NPSR1: variants seen among roughly 807,000 people sequenced by gnomAD.
NPSR1 encodes neuropeptide S receptor 1, also known as neuropeptide S receptor.
In NPSR1, 48 loss-of-function variants were observed where a neutral mutation model predicts 46.9. That is an observed-to-expected ratio of 1.02 (90% confidence interval 0.81 to 1.30). The LOEUF is 1.30. Among genes scored for constraint, NPSR1 ranks in the 50% most tolerant of loss-of-function variants. The pLI, the probability that NPSR1 is intolerant of heterozygous loss-of-function variation, is 0.00. For synonymous variants in NPSR1, 176 were observed against 168.1 expected, an observed-to-expected ratio of 1.05 and a Z score of -0.36; for missense variants, 450 against 449.5, an observed-to-expected ratio of 1.00 and a Z score of -0.01.
chr7:34,711,801 T>C (rs910450036), intron 2 of NPSR1, among the ~76,000 whole-genome samples: 1 of 152,106 alleles, frequency 6.6e-6, no homozygotes, highest in South Asian at 2.1e-4. Context: ...CCTAGGGGAG[T>C]GTTCCTCCCA....
intron 8 of NPSR1, among the ~76,000 whole-genome samples, chr7:34,864,448 A>G (rs796907707): frequency 3.3e-5 from 5 of 151,776 alleles, no homozygotes; most frequent in African/African-American, 1.2e-4. Context: ...TTGAATATAA[A>G]CTCCTTCTCA....
chr7:34,806,574 A>G (rs1788708681), intron 3 of NPSR1, among the ~76,000 whole-genome samples: 2 of 152,110 alleles, frequency 1.3e-5, no homozygotes, highest in Non-Finnish European at 2.9e-5. Flanking sequence ...TGATATTATA[A>G]TGGTGGGTAC....
chr7:34,728,183 C>T (rs1784255076), intron 2 of NPSR1, among the ~76,000 whole-genome samples: 1 of 151,874 alleles, frequency 6.6e-6, no homozygotes. Flanking sequence ...CCCATTAACT[C>T]GTCATTTAGA....
Position 34,684,552 on chromosome 7 carries a change from A to G in NPSR1, c.148A>G (p.Thr50Ala). The G allele has an allele frequency of 6.2e-7, 1 of 1,612,954 alleles. No individual in the cohort carries two copies. The highest frequency in any genetic ancestry group is 8.5e-7 in the Non-Finnish European group (1 of 1,179,612). The change falls in exon 2 of 9, where the codon ACT (threonine) becomes GCT (alanine). Residue 50 changes from threonine to alanine, a missense_variant and splice_region_variant. Thr to Ala is a moderately conservative substitution (Grantham distance 58, BLOSUM62 0). Transcript: ENST00000360581. ...EWGSFYYSFK[T>A]EQLITLWVLF... ...TTTTATTTTTCTCTGTTTCTTGCAGACTGAGCAATTGATAACTCTGTGGGT... is the reference window on the plus strand; with the variant it reads ...TTTTATTTTTCTCTGTTTCTTGCAGGCTGAGCAATTGATAACTCTGTGGGT...
chr7:34,662,952 T>C (rs949656022), intron 1 of NPSR1, among the ~76,000 whole-genome samples: 1 of 152,116 alleles, frequency 6.6e-6, no homozygotes, highest in Non-Finnish European at 1.5e-5. Context: ...AACCTAGTCA[T>C]TGCAGAGCTT....
At chr7:34,814,016 C>T (rs2128751548) in intron 4 of NPSR1, among the ~76,000 whole-genome samples, 1 of 152,340 alleles carries the variant, frequency 6.6e-6, no homozygotes, top group South Asian at 2.1e-4. Flanking sequence ...GTGATTTCTG[C>T]ATTTCCAACT....
chr7:34,827,747 AG>A, intron 5 of NPSR1, 145 bp downstream of exon 5: 1 of 644,912 alleles, frequency 1.6e-6, no homozygotes. Context: ...TTTTATGTGT[AG>A]CTACCATAGG....
At chr7:34,771,370 G>A (rs900876300) in intron 2 of NPSR1, among the ~76,000 whole-genome samples, 22 of 152,182 alleles carry the variant, frequency 1.4e-4, no homozygotes, top group African/African-American at 4.8e-4. Context: ...ATCCTGGGAA[G>A]TTGAGGCTGC....
intron 3 of NPSR1, among the ~76,000 whole-genome samples, chr7:34,781,326 G>T (rs1015129131): frequency 5.3e-5 from 8 of 152,146 alleles, no homozygotes; most frequent in African/African-American, 1.9e-4. Flanking sequence ...TCCCTCCAAA[G>T]CATTCAAGTA....
At chr7:34,742,518 A>T (rs992449377) in intron 2 of NPSR1, among the ~76,000 whole-genome samples, 5 of 152,234 alleles carry the variant, frequency 3.3e-5, no homozygotes, top group Non-Finnish European at 7.3e-5. Flanking sequence ...TTATGATTGC[A>T]TAGTATCCCA....
intron 2 of NPSR1, among the ~76,000 whole-genome samples, chr7:34,698,333 G>A (rs1246342850): frequency 6.6e-6 from 1 of 152,026 alleles, no homozygotes; most frequent in African/African-American, 2.4e-5. Context: ...TCAATACAAA[G>A]TTTATTTACA....
At chr7:34,790,305 G>A (rs868833584) in intron 3 of NPSR1, among the ~76,000 whole-genome samples, 9 of 152,120 alleles carry the variant, frequency 5.9e-5, no homozygotes, top group South Asian at 4.1e-4. Context: ...GAAAAACATC[G>A]TGACAAAATT....
chr7:34,833,587 A>G (rs766931748), intron 5 of NPSR1, among the ~76,000 whole-genome samples: 3 of 152,210 alleles, frequency 2.0e-5, no homozygotes, highest in African/African-American at 4.8e-5. Context: ...GTAGTTATCT[A>G]TTACTGCATT....
chr7:34,832,558 G>A (rs189678477), intron 5 of NPSR1, among the ~76,000 whole-genome samples: 7 of 152,264 alleles, frequency 4.6e-5, no homozygotes, highest in Non-Finnish European at 1.0e-4. Context: ...TCTCTTTGAT[G>A]CTTGATCACT....
chr7:34,797,762 G>A (rs899227535), intron 3 of NPSR1, among the ~76,000 whole-genome samples: 2 of 152,028 alleles, frequency 1.3e-5, no homozygotes, highest in Non-Finnish European at 2.9e-5. Context: ...CAAAGACAAA[G>A]ATAAAATCCT....
intron 6 of NPSR1, among the ~76,000 whole-genome samples, chr7:34,836,899 A>C (rs1171277994): frequency 6.6e-6 from 1 of 152,264 alleles, no homozygotes; most frequent in Admixed American, 6.5e-5. Flanking sequence ...TCTAAAAATT[A>C]TTATAGAGAG....
rs142479191 is a variant in NPSR1, at chr7:34,728,470, G to A, written c.280+43786G>A. 3.9e-5 allele frequency among the ~76,000 whole-genome samples: 6 copies of A among 152,246 alleles called. No individual in the cohort carries two copies. The East Asian group carries it at 5.8e-4, about 15-fold the overall frequency. On this transcript the variant is annotated intron_variant, in intron 2 of 8. Coordinates refer to ENST00000360581, the MANE Select transcript of NPSR1 (RefSeq NM_207172.2). ...AGAGGCGTGCAGTGCCTCATCCCCC[G>A]ACAAAGCTCAGAAGCTCCAGGTAGA...
At chr7:34,786,437 A>G (rs1240898729) in intron 3 of NPSR1, among the ~76,000 whole-genome samples, 1 of 152,106 alleles carries the variant, frequency 6.6e-6, no homozygotes, top group Non-Finnish European at 1.5e-5. Context: ...GAACCCATCA[A>G]AGTCATTCAT....
Position 34,757,522 on chromosome 7 carries a change from C to G in NPSR1, c.281-20940C>G, listed in dbSNP as rs555468922. Among the ~76,000 whole-genome samples, 7 of 152,254 alleles carry G rather than the reference C, an allele frequency of 4.6e-5. No individual in the cohort carries two copies. The East Asian group carries it at 1.4e-3, about 29-fold the overall frequency. On this transcript the variant is annotated intron_variant, in intron 2 of 8. Transcript: ENST00000360581. Reference sequence around the variant, plus strand: ...TACTTTTTGGGAAAGGTGAGTGCCACCAGAAAGATGAGGCCAAGGCCTTAT... The same window carrying G: ...TACTTTTTGGGAAAGGTGAGTGCCAGCAGAAAGATGAGGCCAAGGCCTTAT...
Sources: allele counts gnomAD v4.1 joint callset (sites outside exome capture counted in the v4.1 genomes callset), GRCh38; gene constraint gnomAD v4.1.1; transcripts MANE v1.5; gene names NCBI Gene and HGNC (gene_info 2026-07-23, HGNC 2026-07-21).